The following NEBL variants were observed in gnomAD, a reference collection of about 807,000 sequenced individuals.
NEBL encodes the protein nebulette.
A neutral mutation model predicts 140.2 loss-of-function variants in NEBL; 122 were observed. The observed-to-expected ratio is 0.87, with a 90% CI of 0.75 to 1.01. The LOEUF (loss-of-function observed/expected upper bound fraction) is 1.01, where lower values mean the gene tolerates loss of function less well. Among genes scored for constraint, NEBL ranks in the 50% least tolerant of loss-of-function variants. The pLI is 0.00. For synonymous variants in NEBL, 436 were observed against 398.9 expected, an observed-to-expected ratio of 1.09 and a Z score of -1.11; for missense variants, 1,365 against 1,231.3, an observed-to-expected ratio of 1.11 and a Z score of -1.62.
chr10:20,853,666 T>A (rs543526257), intron 9 of NEBL, among the ~76,000 whole-genome samples: 15 of 152,180 alleles, frequency 9.9e-5, no homozygotes, highest in Non-Finnish European at 1.6e-4. Context: ...CATGCACCTA[T>A]AGCCCCAGCT....
upstream of NEBL, among the ~76,000 whole-genome samples, chr10:20,898,906 T>A (rs1253892948): frequency 1.3e-5 from 2 of 152,220 alleles, no homozygotes; most frequent in African/African-American, 4.8e-5. Flanking sequence ...TAAAATGTTG[T>A]GTTCTAGAAG....
chr10:21,110,034 G>A (rs1347586729), intron 2 of NEBL, among the ~76,000 whole-genome samples: 1 of 151,972 alleles, frequency 6.6e-6, no homozygotes, highest in African/African-American at 2.4e-5. Flanking sequence ...GTTATATCTT[G>A]TCTTCTGCTA....
chr10:21,192,871 A>G (rs926357226), intron 3 of NEBL, among the ~76,000 whole-genome samples: 13 of 151,902 alleles, frequency 8.6e-5, no homozygotes, highest in Non-Finnish European at 1.5e-4. Flanking sequence ...TGACTTCAAG[A>G]TGCTCACAGT....
chr10:21,287,690 T>C (rs1397925513), intron 1 of NEBL, among the ~76,000 whole-genome samples: 2 of 152,068 alleles, frequency 1.3e-5, no homozygotes, highest in South Asian at 2.1e-4. Flanking sequence ...TCACAGGAAA[T>C]ACAGGAGATA....
At chr10:21,078,808 A>G (rs11815878) in intron 2 of NEBL, among the ~76,000 whole-genome samples, 3,671 of 152,332 alleles carry the variant, frequency 0.024, 152 homozygotes, top group African/African-American at 0.08. Context: ...ATATTTGGGC[A>G]AAGCACTAGA....
intron 1 of NEBL, among the ~76,000 whole-genome samples, chr10:21,278,216 G>A (rs1164731389): frequency 6.6e-6 from 1 of 152,162 alleles, no homozygotes; most frequent in Admixed American, 6.5e-5. Flanking sequence ...TGAGGCGGGA[G>A]AATTGCTTGA....
intron 3 of NEBL, among the ~76,000 whole-genome samples, chr10:21,228,794 C>T (rs1213841539): frequency 1.3e-5 from 2 of 152,126 alleles, no homozygotes; most frequent in African/African-American, 4.8e-5. Context: ...AACCTTTGCC[C>T]CAACTGCAGG....
chr10:20,943,495 C>T (rs527558623), intron 4 of NEBL, among the ~76,000 whole-genome samples: 43 of 151,974 alleles, frequency 2.8e-4, no homozygotes, highest in African/African-American at 1.0e-3. Flanking sequence ...TGTTAATTGA[C>T]GAGTTAATGG....
intron 2 of NEBL, among the ~76,000 whole-genome samples, chr10:21,149,142 T>G (rs1043128143): frequency 1.3e-5 from 2 of 152,150 alleles, no homozygotes; most frequent in African/African-American, 4.8e-5. Context: ...ACCTATCCGG[T>G]GAAGCGTCCC....
chr10:21,091,074 C>T (rs936332346), intron 2 of NEBL, among the ~76,000 whole-genome samples: 8 of 152,130 alleles, frequency 5.3e-5, no homozygotes, highest in African/African-American at 1.9e-4. Flanking sequence ...TCCTGAACCT[C>T]TCTCGGATTC....
At chr10:20,904,937 C>T (rs879913194) in intron 4 of NEBL, among the ~76,000 whole-genome samples, 1 of 152,128 alleles carries the variant, frequency 6.6e-6, no homozygotes, top group Non-Finnish European at 1.5e-5. Context: ...CGTAACATGT[C>T]CTGTTTATGT....
rs148117675 is a variant in NEBL at position 21,021,099 on chromosome 10, C to T, written c.165-898G>A. 7.0e-3 allele frequency among the ~76,000 whole-genome samples: 1,066 copies of T among 152,300 alleles called. 9 individuals carry two copies. Among genetic ancestry groups the T allele is most frequent in the Middle Eastern group, 0.014 (4 of 294 alleles). On this transcript the variant is annotated intron_variant, in intron 2 of 6. Coordinates refer to the NEBL transcript ENST00000417816. ...TATATTAGTGCCCCGTAGCCCAAGT[C>T]AGAAAGCTGGGAGTAATCTAGATTC...
intron 3 of NEBL, among the ~76,000 whole-genome samples, chr10:21,001,900 G>C (rs145775005): frequency 8.6e-4 from 131 of 152,184 alleles, no homozygotes; most frequent in Middle Eastern, 3.4e-3. Context: ...AGCAAAACTG[G>C]TCTCTGTTTT....
chr10:21,254,111 C>T (rs10828225), intron 1 of NEBL, among the ~76,000 whole-genome samples: 31,395 of 152,014 alleles, frequency 0.21, 3,863 homozygotes, highest in African/African-American at 0.34. Flanking sequence ...CAATCAGACC[C>T]TTTCATATGT....
Position 21,037,872 on chromosome 10 carries a change from T to C in NEBL, c.165-17671A>G, listed in dbSNP as rs1977450. Reference sequence around the variant, plus strand: ...TAAGGAAACTGTAGACAAATTCATTTAATACGAGGTTCAGAAACAAGAAAG... The same window carrying C: ...TAAGGAAACTGTAGACAAATTCATTCAATACGAGGTTCAGAAACAAGAAAG... On this transcript the variant is annotated intron_variant, in intron 2 of 6. Transcript: ENST00000417816. 3.3e-5 allele frequency among the ~76,000 whole-genome samples: 5 copies of C among 152,118 alleles called. No homozygotes were observed. The East Asian group carries it at 9.7e-4, about 29-fold the overall frequency.
At chr10:20,958,024 G>C (rs1798979733) in intron 4 of NEBL, among the ~76,000 whole-genome samples, 1 of 152,150 alleles carries the variant, frequency 6.6e-6, no homozygotes, top group Admixed American at 6.5e-5. Context: ...TTGAATGTCT[G>C]GCGATGGTTG....
intron 3 of NEBL, among the ~76,000 whole-genome samples, chr10:21,007,336 T>G (rs534634186): frequency 6.6e-6 from 1 of 152,182 alleles, no homozygotes; most frequent in African/African-American, 2.4e-5. Flanking sequence ...CTTATACAGA[T>G]AAGTTACAGG....
intron 2 of NEBL, among the ~76,000 whole-genome samples, chr10:21,047,873 G>A (rs2131845846): frequency 6.6e-6 from 1 of 152,320 alleles, no homozygotes; most frequent in Middle Eastern, 3.4e-3. Flanking sequence ...AATAAATCAT[G>A]AAGAGATATA....
chr10:21,058,426 A>G (rs1564496014), intron 2 of NEBL, among the ~76,000 whole-genome samples: 1 of 152,244 alleles, frequency 6.6e-6, no homozygotes, highest in Non-Finnish European at 1.5e-5. Flanking sequence ...CACACAAAAC[A>G]GCTTCAATTT....
Sources: gnomAD v4.1 joint callset for allele counts (sites outside exome capture counted in the v4.1 genomes callset) on GRCh38, gnomAD v4.1.1 for gene constraint, MANE v1.5 for transcripts, NCBI Gene and HGNC (gene_info 2026-07-23, HGNC 2026-07-21) for gene names.